Variants in MYO10 observed in about 807,000 individuals in gnomAD.
MYO10 encodes myosin X.
A neutral mutation model predicts 257.3 loss-of-function variants in MYO10; 133 were observed. The ratio of observed to expected loss-of-function variants is 0.52; its 90% CI spans 0.45 to 0.60. The LOEUF (loss-of-function observed/expected upper bound fraction) is 0.60. Among genes scored for constraint, MYO10 ranks in the 20% least tolerant of loss-of-function variants. MYO10 has a pLI of 0.00. For missense variants in MYO10, 2,399 were observed against 2,635.7 expected (o/e 0.91, Z 1.97); for synonymous variants, 1,104 against 1,028.6 (o/e 1.07, Z -1.40).
intron 1 of MYO10, among the ~76,000 whole-genome samples, chr5:16,909,785 G>A (rs1328820059): frequency 1.3e-5 from 2 of 152,046 alleles, no homozygotes; most frequent in Non-Finnish European, 2.9e-5. Context: ...ATGATCGTGG[G>A]GGCAGATCCC....
chr5:16,668,156 T>G, intron 40 of MYO10, 121 bp downstream of exon 40: 1 of 1,087,756 alleles, frequency 9.2e-7, no homozygotes, highest in Non-Finnish European at 1.3e-6. Context: ...CACTGTATTT[T>G]CGTGTTTTGA....
Position 16,935,890 on chromosome 5 carries a change from C to A in MYO10, c.-82G>T. On this transcript the variant is annotated 5_prime_UTR_variant, in exon 1 of 41. Coordinates refer to ENST00000513610, the MANE Select transcript of MYO10 (RefSeq NM_012334.3). Reference sequence around the variant, plus strand: ...CCGCCGCGGGTCCGGGGAAACCATGCGTGTCACGGCGCCACTCCCGAGGAC... The same window carrying A: ...CCGCCGCGGGTCCGGGGAAACCATGAGTGTCACGGCGCCACTCCCGAGGAC... The A allele has an allele frequency of 1.3e-6, 2 of 1,548,872 alleles. No homozygotes were observed. The highest frequency in any genetic ancestry group is 1.2e-5 in the South Asian group (1 of 85,544).
intron 28 of MYO10, among the ~76,000 whole-genome samples, chr5:16,688,662 C>T (rs1204248063): frequency 1.3e-5 from 2 of 151,842 alleles, no homozygotes; most frequent in African/African-American, 2.4e-5. Flanking sequence ...ATTGCTTGAA[C>T]CTGGAAGGTG....
intron 19 of MYO10, among the ~76,000 whole-genome samples, chr5:16,719,825 G>A (rs57752756): frequency 0.038 from 5,824 of 152,114 alleles, 385 homozygotes; most frequent in African/African-American, 0.13. Context: ...TTAGCCAGGC[G>A]TGGTGGTACA....
chr5:16,883,106 G>A (rs1744803525), intron 1 of MYO10, among the ~76,000 whole-genome samples: 1 of 151,836 alleles, frequency 6.6e-6, no homozygotes, highest in Admixed American at 6.6e-5. Flanking sequence ...TAGTAGAGAC[G>A]AGGTTTCACC....
intron 2 of MYO10, among the ~76,000 whole-genome samples, chr5:16,834,071 T>C (rs1416135898): frequency 6.6e-6 from 1 of 152,070 alleles, no homozygotes; most frequent in African/African-American, 2.4e-5. Context: ...CGCATTAGAT[T>C]AACTTTGAGT....
intron 4 of MYO10, among the ~76,000 whole-genome samples, chr5:16,793,667 C>A (rs1017302897): frequency 6.6e-6 from 1 of 152,152 alleles, no homozygotes; most frequent in Non-Finnish European, 1.5e-5. Flanking sequence ...CGGTGGCTCA[C>A]GCCTGTAATC....
In MYO10 at chr5:16,679,524, G is replaced by GTTTTTTTT. The variant is rs33919452; in HGVS notation, c.4542+415_4542+422dup. On this transcript the variant is annotated intron_variant, in intron 33 of 40. Coordinates refer to ENST00000513610, the MANE Select transcript of MYO10 (RefSeq NM_012334.3). ...TTAACCAAGCGCTAGTTTTTTGGGT[G>GTTTTTTTT]TTTTTTTTTTTTTTTTTTGAGACGA... 2.4e-4 allele frequency among the ~76,000 whole-genome samples: 30 copies of GTTTTTTTT among 122,666 alleles called. 2 individuals are homozygous for GTTTTTTTT. Among genetic ancestry groups the GTTTTTTTT allele is most frequent in the African/African-American group, 5.2e-4 (16 of 31,038 alleles). 80.5% of individuals were successfully genotyped at this position (122,666 alleles called of 152,430 possible). A position where few individuals can be genotyped will look rare whatever the true frequency, so the allele number is the denominator to read the frequency against.
At chr5:16,687,501 G>GATACCCTA (rs1737304910) in intron 28 of MYO10, among the ~76,000 whole-genome samples, 1 of 150,792 alleles carries the variant, frequency 6.6e-6, no homozygotes, top group South Asian at 2.1e-4. Flanking sequence ...TCCTGCTGGG[G>GATACCCTA]GCTTATAAGA....
In MYO10 at chr5:16,662,396, T is replaced by TTATGCAGCCATGAA. The variant is rs1483812465; in HGVS notation, c.*4295_*4296insTTCATGGCTGCATA. ...CAGAATGCAGTGGCACCATCATGGC[T>TTATGCAGCCATGAA]CCCTGCAGCTTTGACCTCCTGGGTT... is the stretch of plus-strand genomic sequence containing the variant. On this transcript the variant is annotated 3_prime_UTR_variant, in exon 41 of 41. Transcript: ENST00000513610. 6.2e-4 allele frequency: 82 copies of TTATGCAGCCATGAA among 132,256 alleles called. No individual in the cohort carries two copies. The highest frequency in any genetic ancestry group is 2.2e-3 in the African/African-American group (79 of 35,866). 8.2% of individuals were successfully genotyped at this position (132,256 alleles called of 1,614,324 possible).
At position 16,700,493 on chromosome 5, in the gene MYO10, A is replaced by G. The variant is rs190572039; in HGVS notation, c.3432+470T>C. Among the ~76,000 whole-genome samples, 23 of 152,322 alleles carry G rather than the reference A, an allele frequency of 1.5e-4. No homozygotes were observed. The East Asian group carries it at 4.0e-3, about 27-fold the overall frequency. On this transcript the variant is annotated intron_variant, in intron 25 of 40. Transcript: ENST00000513610. The stretch of plus-strand genomic sequence containing the variant: ...GGAGTTCAAGACCAGCCTGGCCAAC[A>G]TGGTAAAACCCCATCTCTACTAAAA...
chr5:16,718,678 C>T (rs1305322205), intron 19 of MYO10, among the ~76,000 whole-genome samples: 3 of 151,862 alleles, frequency 2.0e-5, no homozygotes, highest in East Asian at 3.9e-4. Flanking sequence ...GTGCACCAAT[C>T]GACACTCTGT....
chr5:16,912,640 G>T (rs1216061984), intron 1 of MYO10, among the ~76,000 whole-genome samples: 1 of 151,964 alleles, frequency 6.6e-6, no homozygotes. Context: ...TATGTTTTTA[G>T]GCCAGCGTTG....
chr5:16,743,370 C>T (rs1437606302), intron 19 of MYO10, among the ~76,000 whole-genome samples: 2 of 151,662 alleles, frequency 1.3e-5, no homozygotes, highest in South Asian at 2.1e-4. Flanking sequence ...CAGCTGGACA[C>T]GGTGGCTTAC....
chr5:16,667,605 G>A (rs925760116), intron 40 of MYO10, among the ~76,000 whole-genome samples: 2 of 151,956 alleles, frequency 1.3e-5, no homozygotes, highest in African/African-American at 4.8e-5. Flanking sequence ...CTCACTGCAC[G>A]ACTCCCCATC....
chr5:16,673,794 G>C lies in MYO10; in HGVS notation c.5060C>G (p.Ser1687Cys). 1 of 1,613,984 alleles carries C rather than the reference G, an allele frequency of 6.2e-7. No homozygotes were observed. The highest frequency in any genetic ancestry group is 8.5e-7 in the Non-Finnish European group (1 of 1,179,908). Reference protein sequence around the residue: ...KKTKCREFVPSRDEIEALIHR... With the variant: ...KKTKCREFVPCRDEIEALIHR... Reference sequence around the variant, plus strand: ...GATCAGAGCTTCTATTTCATCTCGGGAAGGCACAAACTCTCGGCATTTGGT... The same window carrying C: ...GATCAGAGCTTCTATTTCATCTCGGCAAGGCACAAACTCTCGGCATTTGGT... Residue 1687 changes from serine to cysteine, a missense_variant, in exon 36 of 41, where the codon TCC becomes TGC. This residue lies in a region of MYO10 where 1,820 missense variants were observed against 1,939.4 expected (regional missense o/e 0.94). Coordinates refer to ENST00000513610, the MANE Select transcript of MYO10 (RefSeq NM_012334.3).
At chr5:16,895,344 A>G (rs1403842113) in intron 1 of MYO10, among the ~76,000 whole-genome samples, 2 of 152,198 alleles carry the variant, frequency 1.3e-5, no homozygotes, top group Non-Finnish European at 2.9e-5. Flanking sequence ...CGAGCCCAGG[A>G]GGCTGACGTC....
chr5:16,763,465 T>C lies in MYO10; in HGVS notation c.1494+16A>G, dbSNP rs757546273. The C allele has an allele frequency of 6.2e-7, 1 of 1,600,812 alleles. No individual in the cohort carries two copies. Among genetic ancestry groups the C allele is most frequent in the East Asian group, 2.2e-5 (1 of 44,820 alleles). ...GACCCCCTTGGGACTGTAACCATTC[T>C]TCAAAAATACATTACCTTCTCAATC... is the stretch of plus-strand genomic sequence containing the variant. On this transcript the variant is annotated intron_variant, in intron 14 of 40. Coordinates refer to ENST00000513610, the MANE Select transcript of MYO10 (RefSeq NM_012334.3).
At chr5:16,796,433 A>AAAG (rs1433547537) in intron 3 of MYO10, among the ~76,000 whole-genome samples, 3 of 67,370 alleles carry the variant, frequency 4.5e-5, no homozygotes, top group Non-Finnish European at 6.7e-5. Flanking sequence ...AAAAGAAAGA[A>AAAG]AAGAAAGACA....
Sources: gnomAD v4.1 joint callset for allele counts (sites outside exome capture counted in the v4.1 genomes callset) on GRCh38, gnomAD v4.1.1 for gene constraint, gnomAD v4.1.1 regional missense constraint, MANE v1.5 for transcripts, NCBI Gene and HGNC (gene_info 2026-07-23, HGNC 2026-07-21) for gene names.